Variants in INTS10 observed in about 807,000 individuals in gnomAD.
The protein encoded by INTS10 is chromosome 8 open reading frame 35.
INTS10 carries 44 observed loss-of-function variants against 94.4 expected under a neutral mutation model. That is an observed-to-expected ratio of 0.47 (90% CI 0.37 to 0.60). The LOEUF is 0.60. Ranked by LOEUF, INTS10 falls within the 20% of genes least tolerant of loss-of-function variation. The pLI is 0.00. For synonymous variants in INTS10, 341 were observed against 320.7 expected, an observed-to-expected ratio of 1.06 and a Z score of -0.68; for missense variants, 797 against 868.7, an observed-to-expected ratio of 0.92 and a Z score of 1.04.
chr8:19,830,450 C>G lies in INTS10; in HGVS notation c.1185C>G (p.His395Gln). 1 of 1,613,980 alleles carries G rather than the reference C, an allele frequency of 6.2e-7. No individual in the cohort carries two copies. The highest frequency in any genetic ancestry group is 8.5e-7 in the Non-Finnish European group (1 of 1,179,896). The change falls in exon 10 of 17, where the codon CAC becomes CAG. Residue 395 changes from histidine (H) to glutamine (Q), a missense_variant. This residue lies in a region of INTS10 where 734 missense variants were observed against 787.8 expected (regional missense o/e 0.93). Coordinates refer to ENST00000397977, the MANE Select transcript of INTS10 (RefSeq NM_018142.4). Reference protein sequence around the residue: ...EDCSAKGRNRHIVVNKAELAN... With the variant: ...EDCSAKGRNRQIVVNKAELAN... Reference sequence around the variant, plus strand: ...GTTCGGCGAAAGGAAGAAATCGTCACATTGTAGTCAATAAAGCCGAACTTG... The same window carrying G: ...GTTCGGCGAAAGGAAGAAATCGTCAGATTGTAGTCAATAAAGCCGAACTTG...
intron 16 of INTS10, among the ~76,000 whole-genome samples, chr8:19,848,515 T>C (rs1002283645): frequency 8.5e-5 from 13 of 152,122 alleles, no homozygotes; most frequent in African/African-American, 3.1e-4. Context: ...CTGAATAGGG[T>C]GGATAATAAT....
At chr8:19,826,848 G>A (rs2066836906) in intron 9 of INTS10, among the ~76,000 whole-genome samples, 1 of 152,160 alleles carries the variant, frequency 6.6e-6, no homozygotes, top group Non-Finnish European at 1.5e-5. Flanking sequence ...CAGTGATGAG[G>A]TGGAGAACCC....
chr8:19,836,213 T>C (rs1302213886), intron 12 of INTS10, among the ~76,000 whole-genome samples: 1 of 111,864 alleles, frequency 8.9e-6, no homozygotes, highest in African/African-American at 3.7e-5. Flanking sequence ...TCTGGCCTTT[T>C]GCATAAAAGA....
At chr8:19,825,880 C>T (rs151260337) in intron 8 of INTS10, among the ~76,000 whole-genome samples, 139 of 152,130 alleles carry the variant, frequency 9.1e-4, no homozygotes, top group African/African-American at 3.1e-3. Flanking sequence ...AAGAAGGAAC[C>T]GTCACTTGTA....
chr8:19,826,909 T>C (rs2066842696), intron 9 of INTS10, among the ~76,000 whole-genome samples: 1 of 152,120 alleles, frequency 6.6e-6, no homozygotes, highest in Non-Finnish European at 1.5e-5. Flanking sequence ...CGATTCAGTT[T>C]AAACAACAAA....
rs1172642834 is a variant in INTS10, at chr8:19,843,211, A to G, written c.1719+284A>G. The stretch of plus-strand genomic sequence containing the variant: ...GTAGTGTTTGGTAAATATTTTATCA[A>G]TATAAATATATTAGCTACAAAGAAA... On this transcript the variant is annotated intron_variant, in intron 14 of 16. Coordinates refer to ENST00000397977, the MANE Select transcript of INTS10 (RefSeq NM_018142.4). This position sits in a 1 kb window ranked among gnomAD's most constrained non-coding sequence, Gnocchi z 4.7. 6.6e-6 allele frequency among the ~76,000 whole-genome samples: 1 copy of G among 152,266 alleles called. No homozygotes were observed. Among genetic ancestry groups the G allele is most frequent in the Non-Finnish European group, 1.5e-5 (1 of 68,050 alleles).
rs555725079 is a variant in INTS10 at position 19,838,768 on chromosome 8, G to C, written c.1639+1608G>C. ...CCAGGTATACCAGGAATGCATAGGC[G>C]TTTGAACATACAAAAATCAGTGGCC... On this transcript the variant is annotated intron_variant, in intron 13 of 16. Coordinates refer to ENST00000397977, the MANE Select transcript of INTS10 (RefSeq NM_018142.4). 7.2e-5 allele frequency among the ~76,000 whole-genome samples: 11 copies of C among 152,200 alleles called. No individual in the cohort carries two copies. The South Asian group carries it at 2.1e-3, about 29-fold the overall frequency.
chr8:19,841,843 C>T (rs1021678491), intron 13 of INTS10: 5 of 455,702 alleles, frequency 1.1e-5, no homozygotes, highest in Admixed American at 9.4e-5. Context: ...GAGTTTCAAC[C>T]AGAAATTTTC....
chr8:19,822,643 C>CTT, intron 5 of INTS10, 123 bp downstream of exon 5: 3 of 529,132 alleles, frequency 5.7e-6, no homozygotes, highest in Middle Eastern at 5.3e-4. Flanking sequence ...CATTTAAGTT[C>CTT]TTTTTTTTTT....
intron 10 of INTS10, among the ~76,000 whole-genome samples, 192 bp from the exon 11 acceptor site, chr8:19,831,835 CT>C (rs1470360400): frequency 3.9e-5 from 6 of 152,180 alleles, no homozygotes; most frequent in African/African-American, 1.4e-4. Flanking sequence ...CAAAATATTG[CT>C]TGTGTATTAC....
Position 19,851,915 on chromosome 8 carries a change from A to C in INTS10, c.*110A>C. The C allele has an allele frequency of 1.1e-6, 1 of 934,800 alleles. No homozygotes were observed. The highest frequency in any genetic ancestry group is 1.6e-6 in the Non-Finnish European group (1 of 623,134). The allele number at this position is 934,800 out of a possible 1,614,324, so 57.9% of individuals were successfully genotyped here. A position where few individuals can be genotyped will look rare whatever the true frequency, so the allele number is the denominator to read the frequency against. On this transcript the variant is annotated 3_prime_UTR_variant, in exon 17 of 17. Coordinates refer to ENST00000397977, the MANE Select transcript of INTS10 (RefSeq NM_018142.4). This position sits in a 1 kb window ranked among gnomAD's most constrained non-coding sequence, Gnocchi z 5.0. The stretch of plus-strand genomic sequence containing the variant: ...GTGGTCATTGTTGCTGTTACAAAGA[A>C]GAAAACCATCTGAGTTCTAACTCCT...
At chr8:19,825,106 G>T in intron 8 of INTS10, 134 bp downstream of exon 8, 3 of 725,610 alleles carry the variant, frequency 4.1e-6, no homozygotes, top group East Asian at 2.7e-5. Context: ...TATAGTTGGC[G>T]ATTTAGTTTT....
intron 7 of INTS10, 49 bp from the exon 8 acceptor site, chr8:19,824,754 T>C (rs765411425): frequency 1.4e-6 from 2 of 1,380,180 alleles, no homozygotes; most frequent in Admixed American, 4.3e-5. Flanking sequence ...GACTTCTTGC[T>C]GACCAGCCCA....
chr8:19,851,840 G>C lies in INTS10; in HGVS notation c.*35G>C. The C allele has an allele frequency of 6.3e-7, 1 of 1,599,266 alleles. No homozygotes were observed. The highest frequency in any genetic ancestry group is 8.6e-7 in the Non-Finnish European group (1 of 1,167,362). Reference sequence around the variant, plus strand: ...TTTCCACCAGACACAGCTCGGGCCTGTGTAATTGTAGGAGAAGACACTCAG... The same window carrying C: ...TTTCCACCAGACACAGCTCGGGCCTCTGTAATTGTAGGAGAAGACACTCAG... On this transcript the variant is annotated 3_prime_UTR_variant, in exon 17 of 17. Coordinates refer to ENST00000397977, the MANE Select transcript of INTS10 (RefSeq NM_018142.4). The surrounding 1 kb of genome is among the most constrained non-coding windows in gnomAD (Gnocchi z 5.0).
In INTS10 at chr8:19,843,087, T is replaced by C. The variant is rs1350083156; in HGVS notation, c.1719+160T>C. Among the ~76,000 whole-genome samples the C allele has an allele frequency of 6.6e-6, 1 of 152,236 alleles. No homozygotes were observed. Among genetic ancestry groups the C allele is most frequent in the East Asian group, 1.9e-4 (1 of 5,202 alleles). ...CATGGGCTACTAATTAACAAATCTA[T>C]ATTAAATAATGACTGCGCTAGGCAA... is the stretch of plus-strand genomic sequence containing the variant. On this transcript the variant is annotated intron_variant, in intron 14 of 16. Transcript: ENST00000397977. The surrounding 1 kb of genome is among the most constrained non-coding windows in gnomAD (Gnocchi z 4.7).
At chr8:19,838,190 T>C (rs2067821357) in intron 13 of INTS10, among the ~76,000 whole-genome samples, 1 of 152,066 alleles carries the variant, frequency 6.6e-6, no homozygotes, top group Non-Finnish European at 1.5e-5. Context: ...ACCCCATCTC[T>C]ACTAAAAATA....
chr8:19,850,586 TA>T (rs2068947130), intron 16 of INTS10, among the ~76,000 whole-genome samples: 1 of 152,210 alleles, frequency 6.6e-6, no homozygotes, highest in African/African-American at 2.4e-5. Flanking sequence ...AGAAACATTT[TA>T]GAGTAATTTT....
At chr8:19,823,752 T>A (rs2066573314) in intron 6 of INTS10, 121 bp from the exon 7 acceptor site, 6 of 906,214 alleles carry the variant, frequency 6.6e-6, no homozygotes, top group Non-Finnish European at 8.3e-6. Context: ...GAGCAAAACA[T>A]AAGTATGTTG....
chr8:19,825,175 A>G (rs1563355824), intron 8 of INTS10, among the ~76,000 whole-genome samples: 1 of 152,224 alleles, frequency 6.6e-6, no homozygotes, highest in Non-Finnish European at 1.5e-5. Flanking sequence ...AAGTTTCTAT[A>G]TCAAAGGGCG....
Sources: gnomAD v4.1 joint callset for allele counts (sites outside exome capture counted in the v4.1 genomes callset) on GRCh38, gnomAD v4.1.1 for gene constraint, gnomAD v4.1.1 regional missense constraint, Gnocchi (gnomAD v3.1) non-coding constraint, MANE v1.5 for transcripts, NCBI Gene and HGNC (gene_info 2026-07-23, HGNC 2026-07-21) for gene names.